FANCC: variants seen among roughly 807,000 people sequenced by gnomAD.
FANCC encodes FA complementation group C.
In FANCC, 55 loss-of-function variants were observed where a neutral mutation model predicts 71.3. The ratio of observed to expected loss-of-function variants is 0.77; its 90% CI spans 0.62 to 0.97. The LOEUF is 0.97. Among genes scored for constraint, FANCC ranks in the 50% least tolerant of loss-of-function variants. The pLI is 0.00. For missense variants in FANCC, 678 were observed against 670.9 expected (o/e 1.01, Z -0.12); for synonymous variants, 275 against 244.9 (o/e 1.12, Z -1.15).
intron 7 of FANCC, among the ~76,000 whole-genome samples, chr9:95,147,244 G>A (rs906792950): frequency 4.6e-5 from 7 of 152,110 alleles, no homozygotes; most frequent in Non-Finnish European, 1.0e-4. Context: ...ACTGGCTGGC[G>A]CAGTGGCTCA....
At chr9:95,304,749 C>CA (rs35105777) in intron 1 of FANCC, among the ~76,000 whole-genome samples, 3,957 of 44,304 alleles carry the variant, frequency 0.089, 281 homozygotes, top group Middle Eastern at 0.19. Context: ...GACTCTATCT[C>CA]AAAAAAAAAA....
intron 4 of FANCC, among the ~76,000 whole-genome samples, chr9:95,188,148 T>G (rs561025479): frequency 1.3e-5 from 2 of 152,196 alleles, no homozygotes; most frequent in Non-Finnish European, 2.9e-5. Context: ...GTCTTTAATG[T>G]CTTCTGTTTC....
Position 95,111,294 on chromosome 9 carries a change from GACC to G in FANCC, c.1329+166_1329+168del, listed in dbSNP as rs1554829374. ...TCGGTGGGGACAGGAGAACGCCTCT[GACC>G]ACAAGGCTGGAGATCACCATGCCTG... On this transcript the variant is annotated intron_variant, in intron 13 of 14. Coordinates refer to ENST00000289081, the MANE Select transcript of FANCC (RefSeq NM_000136.3). The G allele has an allele frequency of 6.3e-7, 1 of 1,578,536 alleles. No individual in the cohort carries two copies. Among genetic ancestry groups the G allele is most frequent in the Non-Finnish European group, 8.5e-7 (1 of 1,170,304 alleles).
intron 13 of FANCC, chr9:95,111,162 C>T (rs1455981031): frequency 6.5e-7 from 1 of 1,535,590 alleles, no homozygotes; most frequent in African/African-American, 1.4e-5. Flanking sequence ...AGGACGCGAC[C>T]CTGGGGCAGA....
At chr9:95,303,139 C>T (rs1834855455) in intron 1 of FANCC, among the ~76,000 whole-genome samples, 1 of 152,220 alleles carries the variant, frequency 6.6e-6, no homozygotes. Context: ...TCCAATACTG[C>T]AGGCGCCAGC....
At chr9:95,256,767 A>G (rs894479435) in intron 1 of FANCC, among the ~76,000 whole-genome samples, 20 of 152,214 alleles carry the variant, frequency 1.3e-4, no homozygotes, top group African/African-American at 4.6e-4. Flanking sequence ...GTCAAGACCC[A>G]TCAGTGTGCT....
Position 95,292,119 on chromosome 9 carries a change from C to G in FANCC, c.-79+25407G>C, listed in dbSNP as rs183268659. On this transcript the variant is annotated intron_variant, in intron 1 of 14. Transcript: ENST00000289081. ...AAACAGTAGAGTACTGACATAAAAACACACAGACAAATGGAACAGAAAAGA... is the reference window on the plus strand; with the variant it reads ...AAACAGTAGAGTACTGACATAAAAAGACACAGACAAATGGAACAGAAAAGA... Among the ~76,000 whole-genome samples the G allele has an allele frequency of 6.0e-5, 9 of 149,890 alleles. No homozygotes were observed. In the East Asian group the frequency reaches 1.7e-3, roughly 29 times the overall value.
At chr9:95,188,140 C>CT (rs1826847361) in intron 4 of FANCC, among the ~76,000 whole-genome samples, 1 of 152,178 alleles carries the variant, frequency 6.6e-6, no homozygotes, top group South Asian at 2.1e-4. Flanking sequence ...AGAAAGAGGT[C>CT]TTTAATGTCT....
chr9:95,181,575 TTACTC>T (rs1407360844), intron 4 of FANCC, among the ~76,000 whole-genome samples: 3 of 152,220 alleles, frequency 2.0e-5, no homozygotes, highest in Non-Finnish European at 4.4e-5. Flanking sequence ...TGGAGATCCT[TTACTC>T]TAACTCCCTC....
chr9:95,254,937 CT>C (rs979796373), intron 1 of FANCC, among the ~76,000 whole-genome samples: 6 of 152,144 alleles, frequency 3.9e-5, no homozygotes, highest in Admixed American at 3.9e-4. Context: ...CGGTTCTCCC[CT>C]GACAGCGTAA....
chr9:95,212,547 C>CA (rs1407948858), intron 4 of FANCC, among the ~76,000 whole-genome samples: 3 of 151,830 alleles, frequency 2.0e-5, no homozygotes, highest in Non-Finnish European at 4.4e-5. Context: ...TCCGAGAAAC[C>CA]AAAGCTGAGA....
In FANCC at chr9:95,107,298, G is replaced by A. The variant is rs765489284; in HGVS notation, c.1330-29C>T. 6 of 1,604,822 alleles carry A rather than the reference G, an allele frequency of 3.7e-6. No homozygotes were observed. The South Asian group carries it at 6.6e-5, about 18-fold the overall frequency. ...GGCAATAGTATTTCACAGGGGAGAG[G>A]TTAGGAAGAGGCAGGACAGACATAC... On this transcript the variant is annotated intron_variant, in intron 13 of 14. Coordinates refer to ENST00000289081, the MANE Select transcript of FANCC (RefSeq NM_000136.3).
intron 13 of FANCC, 138 bp from the exon 14 acceptor site, chr9:95,107,407 C>T (rs548869225): frequency 8.2e-5 from 74 of 897,370 alleles, no homozygotes; most frequent in Middle Eastern, 3.2e-4. Flanking sequence ...AGGCAGCGGC[C>T]GAATTTACAC....
At chr9:95,128,177 C>T (rs1452464933) in intron 8 of FANCC, among the ~76,000 whole-genome samples, 1 of 151,878 alleles carries the variant, frequency 6.6e-6, no homozygotes, top group Non-Finnish European at 1.5e-5. Context: ...AAGAGGTCAC[C>T]GGATATAAGC....
intron 4 of FANCC, among the ~76,000 whole-genome samples, chr9:95,196,655 T>C (rs1827477409): frequency 6.6e-6 from 1 of 152,230 alleles, no homozygotes; most frequent in Non-Finnish European, 1.5e-5. Flanking sequence ...AATCCAGGAT[T>C]ACCCTAATCC....
chr9:95,225,237 C>T (rs1259850737), intron 4 of FANCC, among the ~76,000 whole-genome samples: 1 of 152,200 alleles, frequency 6.6e-6, no homozygotes, highest in Non-Finnish European at 1.5e-5. Context: ...CACATCCTCA[C>T]TAGTGGCTAT....
intron 9 of FANCC, among the ~76,000 whole-genome samples, chr9:95,125,788 G>T (rs1348505491): frequency 1.3e-5 from 2 of 152,190 alleles, no homozygotes; most frequent in African/African-American, 4.8e-5. Flanking sequence ...TGCAGCCTCT[G>T]CTGCTGTGTG....
At chr9:95,137,768 AG>A (rs1463639173) in intron 7 of FANCC, among the ~76,000 whole-genome samples, 7 of 152,202 alleles carry the variant, frequency 4.6e-5, no homozygotes, top group Admixed American at 4.6e-4. Context: ...GGAGGCAGGC[AG>A]GGGAGGAGGA....
rs1246049597 is a variant in FANCC at position 95,101,200 on chromosome 9, G to A, written c.*507C>T. 1 of 254,960 alleles carries A rather than the reference G, an allele frequency of 3.9e-6. No individual in the cohort carries two copies. The highest frequency in any genetic ancestry group is 2.2e-5 in the African/African-American group (1 of 45,798). The allele number at this position is 254,960 out of a possible 1,614,324, so 15.8% of individuals were successfully genotyped here. ...CAGGGAGACACAAGGGAAGCCTGAG[G>A]GACCCTGACTCCCCTTGAAGAATTT... On this transcript the variant is annotated 3_prime_UTR_variant, in exon 15 of 15. Transcript: ENST00000289081.
Sources: allele counts gnomAD v4.1 joint callset (sites outside exome capture counted in the v4.1 genomes callset), GRCh38; gene constraint gnomAD v4.1.1; transcripts MANE v1.5; gene names NCBI Gene and HGNC (gene_info 2026-07-23, HGNC 2026-07-21).